SORCS2: variants seen among roughly 807,000 people sequenced by gnomAD.
SORCS2 encodes the protein VPS10 domain-containing receptor SorCS2.
A neutral mutation model predicts 141.6 loss-of-function variants in SORCS2; 100 were observed. That is an observed-to-expected ratio of 0.71 (90% CI 0.60 to 0.83). The LOEUF (loss-of-function observed/expected upper bound fraction) is 0.83. Ranked by LOEUF, SORCS2 falls within the 40% of genes least tolerant of loss-of-function variation. SORCS2 has a pLI of 0.00. For missense variants in SORCS2, 1,646 were observed against 1,560.2 expected (o/e 1.05, Z -0.93); for synonymous variants, 789 against 676.9 (o/e 1.17, Z -2.57).
In SORCS2 at chr4:7,391,819, C is replaced by A. The variant is rs1402171882; in HGVS notation, c.481-4469C>A. ...AGCTCTGTTGTTGAATCTGACACAC[C>A]TCCTTCCAGCCCCTCACCCAGATCC... On this transcript the variant is annotated intron_variant, in intron 1 of 26. Coordinates refer to ENST00000507866, the MANE Select transcript of SORCS2 (RefSeq NM_020777.3). Among the ~76,000 whole-genome samples the A allele has an allele frequency of 2.6e-5, 4 of 152,296 alleles. No homozygotes were observed. In the East Asian group the frequency reaches 7.7e-4, roughly 29 times the overall value.
At chr4:7,236,694 T>G (rs6851490) in intron 1 of SORCS2, among the ~76,000 whole-genome samples, 132,406 of 152,206 alleles carry the variant, frequency 0.87, 57,799 homozygotes, top group African/African-American at 0.95. Context: ...CGATTCTCCT[T>G]CCTCAGCCTC....
Position 7,427,919 on chromosome 4 carries a change from G to A in SORCS2, c.548+31564G>A, listed in dbSNP as rs11930403. On this transcript the variant is annotated intron_variant, in intron 2 of 26. Transcript: ENST00000507866. ...TCAACACCAGCTTTGGAGGGGGCAG[G>A]CATCCGAACCATATCACCACCCCTG... is the stretch of plus-strand genomic sequence containing the variant. Among the ~76,000 whole-genome samples the A allele has an allele frequency of 9.0e-3, 1,363 of 152,086 alleles. 12 individuals carry two copies. The highest frequency in any genetic ancestry group is 0.015 in the Non-Finnish European group (1,035 of 67,960).
At chr4:7,720,877 G>T (rs1314224088) in intron 18 of SORCS2, among the ~76,000 whole-genome samples, 1 of 152,222 alleles carries the variant, frequency 6.6e-6, no homozygotes, top group African/African-American at 2.4e-5. Context: ...GATCACTTAC[G>T]CATGGCTGGG....
At chr4:7,650,729 AGCCCAGCCCAG>A (rs1721386386) in intron 4 of SORCS2, among the ~76,000 whole-genome samples, 1 of 31,048 alleles carries the variant, frequency 3.2e-5, no homozygotes, top group Non-Finnish European at 6.5e-5. Flanking sequence ...CGCCCCGCCC[AGCCCAGCCCAG>A]CCCAGCCCAG....
intron 3 of SORCS2, among the ~76,000 whole-genome samples, chr4:7,576,249 C>T (rs913165291): frequency 6.6e-6 from 1 of 152,208 alleles, no homozygotes; most frequent in Non-Finnish European, 1.5e-5. Flanking sequence ...CCCCGGGAGT[C>T]ATCGGGAGGC....
chr4:7,331,068 C>T (rs569958520), intron 1 of SORCS2, among the ~76,000 whole-genome samples: 5 of 150,360 alleles, frequency 3.3e-5, no homozygotes, highest in East Asian at 2.0e-4. Flanking sequence ...AGGGAGTCTG[C>T]GCTTGGTGTG....
chr4:7,539,710 G>T (rs1441323938), intron 3 of SORCS2, among the ~76,000 whole-genome samples: 3 of 43,088 alleles, frequency 7.0e-5, no homozygotes, highest in South Asian at 4.2e-3. Flanking sequence ...GCCCCTTCCT[G>T]CTGTGGAGGC....
intron 2 of SORCS2, among the ~76,000 whole-genome samples, chr4:7,425,134 C>T (rs945057352): frequency 2.6e-5 from 4 of 152,210 alleles, no homozygotes; most frequent in African/African-American, 9.6e-5. Context: ...GACCCAGAGC[C>T]TCAGATCCTC....
intron 2 of SORCS2, among the ~76,000 whole-genome samples, chr4:7,507,835 A>C (rs573470538): frequency 1.3e-5 from 2 of 152,336 alleles, no homozygotes; most frequent in South Asian, 4.1e-4. Flanking sequence ...CCATGCGCCA[A>C]AATAAATTTT....
intron 16 of SORCS2, 130 bp from the exon 17 acceptor site, chr4:7,715,053 C>A: frequency 7.7e-7 from 1 of 1,290,558 alleles, no homozygotes; most frequent in Non-Finnish European, 1.1e-6. Context: ...TTGATGTCCT[C>A]ACAGATGGGT....
chr4:7,353,999 C>T lies in SORCS2; in HGVS notation c.481-42289C>T, dbSNP rs567798899. Among the ~76,000 whole-genome samples the T allele has an allele frequency of 6.3e-4, 96 of 152,322 alleles. 1 individual carries two copies. In the South Asian group the frequency reaches 0.017, roughly 26 times the overall value. On this transcript the variant is annotated intron_variant, in intron 1 of 26. Transcript: ENST00000507866. Reference sequence around the variant, plus strand: ...CAGCCCAAGAAGTAAGTGTGCACCCCATTACCTGCACCACCTTTACCCGCA... The same window carrying T: ...CAGCCCAAGAAGTAAGTGTGCACCCTATTACCTGCACCACCTTTACCCGCA...
At chr4:7,522,661 T>C (rs532723589) in intron 2 of SORCS2, among the ~76,000 whole-genome samples, 12 of 143,100 alleles carry the variant, frequency 8.4e-5, no homozygotes, top group Non-Finnish European at 1.4e-4. Context: ...TCCCTCCTTC[T>C]TTCCTCCTCC....
At chr4:7,539,480 TTGTC>T (rs975076695) in intron 3 of SORCS2, among the ~76,000 whole-genome samples, 8 of 152,182 alleles carry the variant, frequency 5.3e-5, no homozygotes, top group Admixed American at 3.9e-4. Flanking sequence ...GTTCTGCTCT[TTGTC>T]TGTGGGTCTC....
At chr4:7,537,869 C>G (rs2109569872) in intron 3 of SORCS2, among the ~76,000 whole-genome samples, 1 of 152,174 alleles carries the variant, frequency 6.6e-6, no homozygotes, top group East Asian at 1.9e-4. Context: ...ACGTATGGTC[C>G]CAGCTACTCA....
At chr4:7,496,429 C>A (rs1227500650) in intron 2 of SORCS2, among the ~76,000 whole-genome samples, 2 of 18,666 alleles carry the variant, frequency 1.1e-4, no homozygotes, top group Admixed American at 5.4e-4. Flanking sequence ...CTACTGGAGC[C>A]CCCCCCCCCC....
intron 1 of SORCS2, among the ~76,000 whole-genome samples, chr4:7,273,234 C>T (rs1422613030): frequency 1.3e-5 from 2 of 152,214 alleles, no homozygotes; most frequent in East Asian, 1.9e-4. Context: ...AACTGGCAGT[C>T]TTATCCCAAT....
At chr4:7,684,584 G>A (rs1221088596) in intron 10 of SORCS2, among the ~76,000 whole-genome samples, 1 of 152,134 alleles carries the variant, frequency 6.6e-6, no homozygotes, top group Non-Finnish European at 1.5e-5. Flanking sequence ...GCACCCTGGG[G>A]ACACCTGAAA....
intron 1 of SORCS2, among the ~76,000 whole-genome samples, chr4:7,250,243 A>AAAAGAAAGAAAGAAAGAAAG (rs34312209): frequency 1.3e-3 from 201 of 151,172 alleles, no homozygotes; most frequent in Middle Eastern, 3.4e-3. Context: ...GCTCTGTCTA[A>AAAAGAAAGAAAGAAAGAAAG]AAAGAAAGAA....
Position 7,661,577 on chromosome 4 carries a change from G to A in SORCS2, c.952+13G>A. The A allele has an allele frequency of 6.4e-7, 1 of 1,551,446 alleles. No individual in the cohort carries two copies. Among genetic ancestry groups the A allele is most frequent in the Non-Finnish European group, 8.7e-7 (1 of 1,146,862 alleles). On this transcript the variant is annotated intron_variant, in intron 6 of 26. Transcript: ENST00000507866. ...GACCTCGGTGGAGGTAAGCCGGGCA[G>A]TGCACAGGCACCGGGTATCCCTGAG...
Sources: gnomAD v4.1 joint callset for allele counts (sites outside exome capture counted in the v4.1 genomes callset) on GRCh38, gnomAD v4.1.1 for gene constraint, MANE v1.5 for transcripts, NCBI Gene and HGNC (gene_info 2026-07-23, HGNC 2026-07-21) for gene names.